PTPN2: variants seen among roughly 807,000 people sequenced by gnomAD.
The protein encoded by PTPN2 is protein tyrosine phosphatase non-receptor type 2.
PTPN2 carries 19 observed loss-of-function variants against 57.3 expected under a neutral mutation model. The ratio of observed to expected loss-of-function variants is 0.33; its 90% CI spans 0.23 to 0.49. PTPN2 has a LOEUF of 0.49. Ranked by LOEUF, PTPN2 falls within the 20% of genes least tolerant of loss-of-function variation. PTPN2 has a pLI of 0.99. For synonymous variants in PTPN2, 153 were observed against 164.9 expected (o/e 0.93, Z 0.55); for missense variants, 358 against 501.1 (o/e 0.71, Z 2.73).
intron 1 of PTPN2, chr18:12,863,751 C>T (rs2043897903): frequency 6.6e-6 from 1 of 152,126 alleles, no homozygotes; most frequent in South Asian, 2.1e-4. Context: ...TAGAGAACCA[C>T]CGTTCTCATT....
rs200763784 is a variant in PTPN2, at chr18:12,866,333, G to A, written c.70-7079C>T. Among the ~76,000 whole-genome samples the A allele has an allele frequency of 2.6e-5, 4 of 151,912 alleles. No individual in the cohort carries two copies. The East Asian group carries it at 7.8e-4, about 29-fold the overall frequency. On this transcript the variant is annotated intron_variant, in intron 1 of 8. Transcript: ENST00000309660. The stretch of plus-strand genomic sequence containing the variant: ...GGCGCCTGTAGTCCCAGCTACTGGG[G>A]AGGCTGAGGCAGGAGAATGGCGTGA...
intron 1 of PTPN2, chr18:12,872,363 G>C (rs2044296816): frequency 6.6e-6 from 1 of 152,282 alleles, no homozygotes; most frequent in Admixed American, 6.5e-5. Flanking sequence ...TTTCCTTAGG[G>C]GAATGAAAGC....
At chr18:12,785,925 A>G in intron 9 of PTPN2, 1 of 1,212,884 alleles carries the variant, frequency 8.2e-7, no homozygotes, top group Non-Finnish European at 1.2e-6. Context: ...ACAAACATAA[A>G]AGGACTAACA....
chr18:12,842,512 C>G (rs2145417773), intron 2 of PTPN2, among the ~76,000 whole-genome samples: 1 of 152,290 alleles, frequency 6.6e-6, no homozygotes, highest in Admixed American at 6.5e-5. Flanking sequence ...GCTGACCACC[C>G]AGGTGGGTCA....
At chr18:12,844,532 G>GT (rs1281043784) in intron 2 of PTPN2, among the ~76,000 whole-genome samples, 1 of 152,142 alleles carries the variant, frequency 6.6e-6, no homozygotes, top group Non-Finnish European at 1.5e-5. Flanking sequence ...GGCTAATGAA[G>GT]TTTTTTATAT....
At chr18:12,796,023 C>G (rs1005725823) in intron 8 of PTPN2, among the ~76,000 whole-genome samples, 1 of 151,312 alleles carries the variant, frequency 6.6e-6, no homozygotes, top group Non-Finnish European at 1.5e-5. Context: ...TACATTGAGA[C>G]TACCTTTTTC....
chr18:12,850,662 ATTTATGGAAATGTTTATCTT>A (rs767644967), intron 2 of PTPN2, among the ~76,000 whole-genome samples: 2 of 152,070 alleles, frequency 1.3e-5, no homozygotes, highest in Non-Finnish European at 2.9e-5. Flanking sequence ...AAACTTCCAA[ATTTATGGAAATGTTTATCTT>A]TTTATTAATA....
intron 5 of PTPN2, among the ~76,000 whole-genome samples, chr18:12,820,555 G>A (rs943221174): frequency 6.6e-6 from 1 of 152,134 alleles, no homozygotes; most frequent in Non-Finnish European, 1.5e-5. Flanking sequence ...AACAAGGTCT[G>A]CATTTAGACT....
downstream of PTPN2, among the ~76,000 whole-genome samples, chr18:12,788,379 A>C (rs991297801): frequency 9.9e-5 from 15 of 150,994 alleles, no homozygotes; most frequent in African/African-American, 3.4e-4. Flanking sequence ...AGAGTTCAAA[A>C]GTTTGAACTT....
intron 2 of PTPN2, among the ~76,000 whole-genome samples, chr18:12,854,382 A>G (rs1430268756): frequency 6.6e-6 from 1 of 152,024 alleles, no homozygotes; most frequent in Non-Finnish European, 1.5e-5. Flanking sequence ...AAAAGAAAAA[A>G]GAAAAAGAAA....
chr18:12,822,225 C>T (rs1330341321), intron 5 of PTPN2, among the ~76,000 whole-genome samples: 2 of 152,018 alleles, frequency 1.3e-5, no homozygotes, highest in Non-Finnish European at 2.9e-5. Flanking sequence ...TGAACCAAAT[C>T]CCAGCTAAGC....
chr18:12,884,225 C>T lies in PTPN2; in HGVS notation c.-84G>A. 3.6e-6 allele frequency: 4 copies of T among 1,104,438 alleles called. No individual in the cohort carries two copies. Among genetic ancestry groups the T allele is most frequent in the East Asian group, 3.2e-5 (1 of 31,506 alleles). The allele number at this position is 1,104,438 out of a possible 1,614,324, so 68.4% of individuals were successfully genotyped here. A position where few individuals can be genotyped will look rare whatever the true frequency, so the allele number is the denominator to read the frequency against. ...GCACGATCCGGGGAGAGCGCTGGCG[C>T]TGCGGCGCATGCGCGCTGCGCGCCG... On this transcript the variant is annotated 5_prime_UTR_variant, in exon 1 of 9. Coordinates refer to ENST00000309660, the MANE Select transcript of PTPN2 (RefSeq NM_002828.4).
At position 12,870,317 on chromosome 18, in the gene PTPN2, ATG is replaced by A. The variant is rs200573024; in HGVS notation, c.70-11065_70-11064del. On this transcript the variant is annotated intron_variant, in intron 1 of 8. Coordinates refer to ENST00000309660, the MANE Select transcript of PTPN2 (RefSeq NM_002828.4). ...TATATATGTGTATATATACATATAT[ATG>A]TGTATATATATGTATATATATACAT... Among the ~76,000 whole-genome samples the A allele has an allele frequency of 4.4e-3, 193 of 43,940 alleles. 17 individuals are homozygous for A. The highest frequency in any genetic ancestry group is 0.031 in the East Asian group (27 of 868). The allele number at this position is 43,940 out of a possible 152,430, so 28.8% of individuals were successfully genotyped here.
Position 12,794,157 on chromosome 18 carries a change from G to A in PTPN2, c.*121C>T, listed in dbSNP as rs1392652870. 6.7e-7 allele frequency: 1 copy of A among 1,499,982 alleles called. No homozygotes were observed. The highest frequency in any genetic ancestry group is 8.8e-7 in the Non-Finnish European group (1 of 1,130,402). 92.9% of individuals were successfully genotyped at this position (1,499,982 alleles called of 1,614,324 possible). ...TGTGACTGTAAATATCACTTATCTG[G>A]TTGATGTCTATTCTACTGCACCGTT... On this transcript the variant is annotated 3_prime_UTR_variant, in exon 9 of 9. Transcript: ENST00000309660.
At chr18:12,860,631 G>A (rs562332435) in intron 1 of PTPN2, among the ~76,000 whole-genome samples, 7 of 151,632 alleles carry the variant, frequency 4.6e-5, no homozygotes, top group South Asian at 2.1e-4. Flanking sequence ...GCCTGGTGAC[G>A]AGCGCCTGTA....
At chr18:12,871,956 G>A (rs563521946) in intron 1 of PTPN2, among the ~76,000 whole-genome samples, 1 of 151,918 alleles carries the variant, frequency 6.6e-6, no homozygotes, top group East Asian at 1.9e-4. Context: ...GCTGAGGCAG[G>A]AGAATCGCTT....
chr18:12,835,798 C>G (rs977814564), intron 3 of PTPN2, among the ~76,000 whole-genome samples: 1 of 152,184 alleles, frequency 6.6e-6, no homozygotes, highest in African/African-American at 2.4e-5. Context: ...GTGAAAGGCC[C>G]ATTCCCTGGT....
At chr18:12,880,022 C>T (rs2044616187) in intron 1 of PTPN2, among the ~76,000 whole-genome samples, 1 of 152,200 alleles carries the variant, frequency 6.6e-6, no homozygotes, top group South Asian at 2.1e-4. Flanking sequence ...TGCTGTATGA[C>T]ATCCAATTCC....
At chr18:12,870,333 A>ATATATATACATATATATGTG (rs1182077752) in intron 1 of PTPN2, among the ~76,000 whole-genome samples, 2 of 61,936 alleles carry the variant, frequency 3.2e-5, no homozygotes, top group East Asian at 9.7e-4. Flanking sequence ...ATATATATGT[A>ATATATATACATATATATGTG]TATATATACA....
Sources: gnomAD v4.1 joint callset for allele counts (sites outside exome capture counted in the v4.1 genomes callset) on GRCh38, gnomAD v4.1.1 for gene constraint, MANE v1.5 for transcripts, NCBI Gene and HGNC (gene_info 2026-07-23, HGNC 2026-07-21) for gene names.